Variants in DKC1 observed in about 807,000 individuals in gnomAD.
DKC1 encodes the protein H/ACA ribonucleoprotein complex subunit DKC1.
DKC1 carries 4 observed loss-of-function variants against 46.7 expected under a neutral mutation model. The observed-to-expected ratio is 0.09, with a 90% CI of 0.04 to 0.20. The LOEUF is 0.20. DKC1 is among the 10% of genes least tolerant of loss of function. The probability of loss-of-function intolerance (pLI) is 1.00; values close to 1 mark genes in which losing one functional copy is unlikely to be tolerated. For synonymous variants in DKC1, 141 were observed against 142.4 expected (o/e 0.99, Z 0.07); for missense variants, 171 against 404.2 (o/e 0.42, Z 4.95).
chrX:154,765,402 C>T (rs782309492), intron 2 of DKC1, 42 bp from the exon 3 acceptor site: 2 of 1,050,256 alleles, frequency 1.9e-6, no homozygotes, highest in Non-Finnish European at 2.7e-6. Flanking sequence ...TGTTCAAAAT[C>T]GGGTGGGAAG....
intron 7 of DKC1, among the ~76,000 whole-genome samples, chrX:154,767,751 A>G (rs1348909104): frequency 1.8e-5 from 2 of 111,612 alleles, no homozygotes; most frequent in Non-Finnish European, 1.9e-5. Context: ...ATTTAAGACA[A>G]TGCCAATTTT....
At chrX:154,775,370 C>A in intron 13 of DKC1, 97 bp downstream of exon 13, 1 of 833,885 alleles carries the variant, frequency 1.2e-6, no homozygotes, top group Non-Finnish European at 1.8e-6. Flanking sequence ...CGCAGTCCAG[C>A]CATATACGCT....
At chrX:154,766,139 T>A in intron 4 of DKC1, 77 bp from the exon 5 acceptor site, 1 of 1,109,432 alleles carries the variant, frequency 9.0e-7, no homozygotes, top group Non-Finnish European at 1.2e-6. Flanking sequence ...TATTTTTCTT[T>A]TTAACTTTTC....
chrX:154,776,721 T>C, intron 14 of DKC1, 78 bp from the exon 15 acceptor site: 1 of 1,020,632 alleles, frequency 9.8e-7, no homozygotes, highest in Non-Finnish European at 1.4e-6. Context: ...CTGTGGACCT[T>C]TACCAGATTT....
At position 154,770,756 on chromosome X, in the gene DKC1, C is replaced by T. The variant is rs1557264835; in HGVS notation, c.916-3C>T. ...CCCCTTACACTTGGTGCCATCTCTG[C>T]AGGTAAATGCCATCTGCTATGGGGC... On this transcript the variant is annotated splice_region_variant and splice_polypyrimidine_tract_variant and intron_variant, in intron 9 of 14. Coordinates refer to ENST00000369550, the MANE Select transcript of DKC1 (RefSeq NM_001363.5). The T allele has an allele frequency of 5.0e-6, 6 of 1,211,192 alleles. No homozygotes were observed. The highest frequency in any genetic ancestry group is 1.7e-5 in the African/African-American group (1 of 57,708).
intron 13 of DKC1, 44 bp downstream of exon 13, chrX:154,775,317 T>C (rs782443991): frequency 8.8e-7 from 1 of 1,135,061 alleles, no homozygotes; most frequent in East Asian, 3.0e-5. Context: ...CTTAGGGAGA[T>C]AATCCTAAGA....
intron 9 of DKC1, among the ~76,000 whole-genome samples, chrX:154,769,653 CTT>C (rs1349273863): frequency 8.1e-5 from 9 of 111,755 alleles, no homozygotes; most frequent in Non-Finnish European, 1.3e-4. Flanking sequence ...AAAACATTGT[CTT>C]TTTCTCTAAC....
intron 4 of DKC1, 80 bp from the exon 5 acceptor site, chrX:154,766,130 ATTTTTC>A: frequency 9.4e-7 from 1 of 1,064,522 alleles, no homozygotes; most frequent in Non-Finnish European, 1.3e-6. Context: ...GCAGTGAATT[ATTTTTC>A]TTTTTAACTT....
Position 154,762,949 on chromosome X carries a change from A to G in DKC1, c.-17A>G. 8.5e-7 allele frequency: 1 copy of G among 1,180,517 alleles called. No individual in the cohort carries two copies. The highest frequency in any genetic ancestry group is 1.1e-6 in the Non-Finnish European group (1 of 879,386). ...CTCGGCTGTGGACCGGGCGGCACGC[A>G]CGCGGTGCAGGGTAACATGGCGGAT... On this transcript the variant is annotated 5_prime_UTR_variant, in exon 1 of 15. Coordinates refer to ENST00000369550, the MANE Select transcript of DKC1 (RefSeq NM_001363.5).
rs782121373 is a variant in DKC1, at chrX:154,764,938, G to A, written c.56G>A (p.Arg19Gln). 7.5e-6 allele frequency: 9 copies of A among 1,206,327 alleles called. No homozygotes were observed. The highest frequency in any genetic ancestry group is 5.9e-5 in the East Asian group (2 of 33,822). Residue 19 changes from arginine (R) to glutamine (Q), a missense_variant, in exon 2 of 15, where the codon CGG becomes CAG. By Grantham distance (43) the Arg-to-Gln change is conservative. Around this residue, in one of 4 missense-constraint regions of DKC1, gnomAD observed 41 missense variants for 117.3 expected, o/e 0.35. Coordinates refer to ENST00000369550, the MANE Select transcript of DKC1 (RefSeq NM_001363.5). The part of the protein sequence containing the change: ...LPKKHKKKKE[R>Q]KSLPEEDVAE... ...AAGAAACATAAGAAGAAAAAGGAGC[G>A]GAAGTCATTGCCAGAAGAAGATGTA...
chrX:154,774,087 T>C (rs1281712295), intron 11 of DKC1, among the ~76,000 whole-genome samples: 1 of 112,441 alleles, frequency 8.9e-6, no homozygotes, highest in African/African-American at 3.2e-5. Context: ...ACAGGCCCTG[T>C]CTTGGGCCTT....
chrX:154,763,212 C>T (rs921788671), intron 1 of DKC1, among the ~76,000 whole-genome samples: 1 of 112,182 alleles, frequency 8.9e-6, no homozygotes, highest in Non-Finnish European at 1.9e-5. Flanking sequence ...GCCCTCTCAC[C>T]TCCCTGGGGT....
At chrX:154,775,328 G>C (rs1339469961) in intron 13 of DKC1, 55 bp downstream of exon 13, 78 of 1,077,681 alleles carry the variant, frequency 7.2e-5, no homozygotes, top group Non-Finnish European at 9.9e-5. Flanking sequence ...AATCCTAAGA[G>C]GCACTGGCAT....
chrX:154,765,089 T>A, intron 2 of DKC1, 123 bp downstream of exon 2: 1 of 624,277 alleles, frequency 1.6e-6, no homozygotes, highest in Non-Finnish European at 2.6e-6. Flanking sequence ...AGTCATTGTG[T>A]AGATTCGAAA....
At chrX:154,764,828 G>A (rs2071725652) in intron 1 of DKC1, 71 bp from the exon 2 acceptor site, 5 of 804,367 alleles carry the variant, frequency 6.2e-6, no homozygotes, top group South Asian at 4.1e-5. Flanking sequence ...CCCTAATTTC[G>A]GTCTTTATTT....
At chrX:154,772,668 C>T (rs782354474) in intron 10 of DKC1, among the ~76,000 whole-genome samples, 1 of 111,958 alleles carries the variant, frequency 8.9e-6, no homozygotes, top group East Asian at 2.8e-4. Context: ...CTCTGCGCAC[C>T]CTCTTAGTGA....
At chrX:154,766,189 C>T (rs1285812507) in intron 4 of DKC1, 27 bp from the exon 5 acceptor site, 2 of 1,175,979 alleles carry the variant, frequency 1.7e-6, no homozygotes, top group East Asian at 3.0e-5. Flanking sequence ...GTGGGTGATA[C>T]ATTAATTTTT....
In DKC1 at chrX:154,762,904, C is replaced by A; in HGVS notation, c.-62C>A. On this transcript the variant is annotated 5_prime_UTR_variant, in exon 1 of 15. Coordinates refer to ENST00000369550, the MANE Select transcript of DKC1 (RefSeq NM_001363.5). ...GCGCGGCCTGACGGGACCAAGGCGG[C>A]GGGAGTCTGCGGTCGTTCCCTCGGC... 1 of 1,156,762 alleles carries A rather than the reference C, an allele frequency of 8.6e-7. No individual in the cohort carries two copies. The highest frequency in any genetic ancestry group is 1.2e-6 in the Non-Finnish European group (1 of 862,769).
chrX:154,765,654 T>A (rs2071735647), intron 3 of DKC1, 124 bp downstream of exon 3: 2 of 646,386 alleles, frequency 3.1e-6, no homozygotes, highest in Admixed American at 4.8e-5. Flanking sequence ...ACTGATACAG[T>A]TTAAAGCAGG....
Sources: gnomAD v4.1 joint callset for allele counts (sites outside exome capture counted in the v4.1 genomes callset) on GRCh38, gnomAD v4.1.1 for gene constraint, gnomAD v4.1.1 regional missense constraint, MANE v1.5 for transcripts, NCBI Gene and HGNC (gene_info 2026-07-23, HGNC 2026-07-21) for gene names.